FAM185A: variants seen among roughly 807,000 people sequenced by gnomAD.
FAM185A encodes the protein family with sequence similarity 185 member A.
In FAM185A, 21 loss-of-function variants were observed where a neutral mutation model predicts 45.7. That is an observed-to-expected ratio of 0.46 (90% CI 0.33 to 0.66). FAM185A has a LOEUF of 0.66. FAM185A is among the 30% of genes least tolerant of loss of function. The pLI is 0.03. For synonymous variants in FAM185A, 117 were observed against 194.0 expected, an observed-to-expected ratio of 0.60 and a Z score of 3.30; for missense variants, 305 against 485.4, an observed-to-expected ratio of 0.63 and a Z score of 3.49.
intron 7 of FAM185A, among the ~76,000 whole-genome samples, chr7:102,793,231 A>G (rs112613078): frequency 0.24 from 36,900 of 151,782 alleles, 5,244 homozygotes; most frequent in African/African-American, 0.39. Flanking sequence ...TTGTTTTTTG[A>G]GACGGAGTCT....
At chr7:102,817,102 C>T in the FAM185A span, among the ~76,000 whole-genome samples, 1 of 152,104 alleles carries the variant, frequency 6.6e-6, no homozygotes, top group African/African-American at 2.4e-5. Context: ...AGAATTATTT[C>T]TTTTCCTTTG....
intron 6 of FAM185A, among the ~76,000 whole-genome samples, chr7:102,784,196 C>G (rs1584328826): frequency 6.6e-6 from 1 of 151,632 alleles, no homozygotes; most frequent in East Asian, 1.9e-4. Flanking sequence ...TAATTAATAG[C>G]TTACCAACCA....
At chr7:102,789,207 C>T (rs890086251) in intron 7 of FAM185A, among the ~76,000 whole-genome samples, 28 of 152,186 alleles carry the variant, frequency 1.8e-4, no homozygotes, top group African/African-American at 6.8e-4. Context: ...TAAACTCAAA[C>T]TCTGGGCTCA....
At chr7:102,799,884 C>T (rs780004715) in intron 7 of FAM185A, among the ~76,000 whole-genome samples, 2 of 152,090 alleles carry the variant, frequency 1.3e-5, no homozygotes, top group Admixed American at 6.6e-5. Flanking sequence ...CTGACTCTGA[C>T]GGACAGAGCA....
intron 3 of FAM185A, among the ~76,000 whole-genome samples, chr7:102,760,685 A>C (rs12386747): frequency 0.67 from 102,412 of 151,970 alleles, 35,542 homozygotes; most frequent in Middle Eastern, 0.81. Flanking sequence ...CTGCTGTCCC[A>C]TTGCTTCTGC....
intron 2 of FAM185A, among the ~76,000 whole-genome samples, chr7:102,757,073 T>A (rs1464937353): frequency 6.7e-6 from 1 of 149,826 alleles, no homozygotes; most frequent in Non-Finnish European, 1.5e-5. Context: ...ATCAAGTCAC[T>A]CACACACACA....
chr7:102,833,423 C>A, the FAM185A span, among the ~76,000 whole-genome samples: 1 of 149,844 alleles, frequency 6.7e-6, no homozygotes, highest in Non-Finnish European at 1.5e-5. Flanking sequence ...TACTATCTTT[C>A]TGAGCCTGTT....
chr7:102,781,301 G>T (rs1344709498), intron 6 of FAM185A, among the ~76,000 whole-genome samples: 1 of 152,186 alleles, frequency 6.6e-6, no homozygotes, highest in Non-Finnish European at 1.5e-5. Context: ...TGTCTGACAG[G>T]CTTGAAGAGA....
intron 7 of FAM185A, among the ~76,000 whole-genome samples, chr7:102,797,497 G>A (rs1044819099): frequency 6.6e-5 from 10 of 152,174 alleles, no homozygotes; most frequent in African/African-American, 1.9e-4. Context: ...AAAAAAGAAC[G>A]TTGACAAAAT....
chr7:102,756,581 C>T (rs1401360923), intron 2 of FAM185A, among the ~76,000 whole-genome samples: 1 of 151,846 alleles, frequency 6.6e-6, no homozygotes, highest in Non-Finnish European at 1.5e-5. Context: ...CGCTTGAACC[C>T]AGGAGGTGGA....
Position 102,808,464 on chromosome 7 carries a change from T to G in FAM185A, c.*62T>G. On this transcript the variant is annotated 3_prime_UTR_variant, in exon 8 of 8. Transcript: ENST00000413034. ...ATTCGCAGATCTGTGACTACAAAAA[T>G]GTAAATCCCACCATTCATATAAAGG... 1 of 998,734 alleles carries G rather than the reference T, an allele frequency of 1.0e-6. No homozygotes were observed. The highest frequency in any genetic ancestry group is 1.5e-6 in the Non-Finnish European group (1 of 646,990). The allele number at this position is 998,734 out of a possible 1,614,324, so 61.9% of individuals were successfully genotyped here. A position where few individuals can be genotyped will look rare whatever the true frequency, so the allele number is the denominator to read the frequency against.
In FAM185A at chr7:102,749,252, C is replaced by T. The variant is rs888460176; in HGVS notation, c.45C>T (p.Leu15=). 33 of 1,550,720 alleles carry T rather than the reference C, an allele frequency of 2.1e-5. No individual in the cohort carries two copies. The highest frequency in any genetic ancestry group is 2.6e-5 in the Non-Finnish European group (30 of 1,146,836). The change falls in exon 1 of 8, where the codon CTC becomes CTT. Residue 15 remains leucine, a synonymous_variant. Coordinates refer to ENST00000413034, the MANE Select transcript of FAM185A (RefSeq NM_001145268.2). The part of the protein sequence containing the change: ...CSGWELGCFR[L]CLRQVRLWAG... Reference sequence around the variant, plus strand: ...GTTGGGAGCTTGGCTGCTTCCGTCTCTGTCTCCGTCAGGTCCGACTGTGGG... The same window carrying T: ...GTTGGGAGCTTGGCTGCTTCCGTCTTTGTCTCCGTCAGGTCCGACTGTGGG...
rs1354009809 is a variant in FAM185A, at chr7:102,776,019, T to C, written c.836-1234T>C. On this transcript the variant is annotated intron_variant, in intron 5 of 7. Coordinates refer to ENST00000413034, the MANE Select transcript of FAM185A (RefSeq NM_001145268.2). ...TATTATAAATGATCTTGGAGCCGCA[T>C]TTTAAACAGTTTATTCCAAATTTAC... Among the ~76,000 whole-genome samples the C allele has an allele frequency of 2.0e-5, 3 of 151,652 alleles. No homozygotes were observed. In the East Asian group the frequency reaches 5.8e-4, roughly 29 times the overall value.
At chr7:102,767,996 C>CT (rs1439604037) in intron 4 of FAM185A, among the ~76,000 whole-genome samples, 2 of 139,020 alleles carry the variant, frequency 1.4e-5, no homozygotes, top group Admixed American at 1.4e-4. Flanking sequence ...TCTATCTCAC[C>CT]TTTTTCCTGC....
At chr7:102,805,524 C>T (rs562206892) in intron 7 of FAM185A, among the ~76,000 whole-genome samples, 4 of 145,018 alleles carry the variant, frequency 2.8e-5, no homozygotes, top group South Asian at 4.5e-4. Context: ...ACTTTGGGGA[C>T]GTGGGGGAAA....
chr7:102,814,179 G>C (rs1481531906), downstream of FAM185A, among the ~76,000 whole-genome samples: 1 of 152,154 alleles, frequency 6.6e-6, no homozygotes, highest in Non-Finnish European at 1.5e-5. Flanking sequence ...TTTGAGGACA[G>C]AAGGAAGAAT....
chr7:102,755,275 G>A, intron 2 of FAM185A: 2 of 524,828 alleles, frequency 3.8e-6, no homozygotes, highest in Non-Finnish European at 6.7e-6. Flanking sequence ...CATTGGACAG[G>A]ACATCCAGCC....
At chr7:102,824,488 C>T in the FAM185A span, among the ~76,000 whole-genome samples, 5 of 151,960 alleles carry the variant, frequency 3.3e-5, no homozygotes, top group East Asian at 9.7e-4. Flanking sequence ...TATTTTGCAT[C>T]CTCTTTTTTT....
the FAM185A span, among the ~76,000 whole-genome samples, chr7:102,845,067 A>AAAC: frequency 6.0e-3 from 910 of 152,284 alleles, 9 homozygotes; most frequent in African/African-American, 0.021. Context: ...GAAGTACTCT[A>AAAC]AACCCTGTAG....
Sources: gnomAD v4.1 joint callset for allele counts (sites outside exome capture counted in the v4.1 genomes callset) on GRCh38, gnomAD v4.1.1 for gene constraint, MANE v1.5 for transcripts, NCBI Gene and HGNC (gene_info 2026-07-23, HGNC 2026-07-21) for gene names.